Variants in GNAL observed in about 807,000 individuals in gnomAD.
GNAL encodes the protein guanine nucleotide-binding protein G(olf) subunit alpha.
In GNAL, 18 loss-of-function variants were observed where a neutral mutation model predicts 55.1. The ratio of observed to expected loss-of-function variants is 0.33; its 90% CI spans 0.23 to 0.48. The LOEUF (loss-of-function observed/expected upper bound fraction) is 0.48. Ranked by LOEUF, GNAL falls within the 20% of genes least tolerant of loss-of-function variation. The probability of loss-of-function intolerance (pLI) is 0.99; values close to 1 mark genes in which losing one functional copy is unlikely to be tolerated. For missense variants in GNAL, 412 were observed against 614.1 expected, an observed-to-expected ratio of 0.67 and a Z score of 3.48; for synonymous variants, 253 against 237.0, an observed-to-expected ratio of 1.07 and a Z score of -0.62.
At chr18:11,843,386 G>A (rs904798400) in intron 5 of GNAL, among the ~76,000 whole-genome samples, 2 of 152,086 alleles carry the variant, frequency 1.3e-5, no homozygotes, top group South Asian at 4.1e-4. Flanking sequence ...TTAGCGGAGA[G>A]TGGTGGTGCA....
chr18:11,822,112 T>G (rs1190011047), intron 4 of GNAL, among the ~76,000 whole-genome samples: 2 of 152,080 alleles, frequency 1.3e-5, no homozygotes, highest in African/African-American at 4.8e-5. Context: ...CGAGGGCGGC[T>G]CCGGAGAGGC....
chr18:11,785,705 A>G (rs1299556603), intron 4 of GNAL, among the ~76,000 whole-genome samples: 3 of 151,978 alleles, frequency 2.0e-5, no homozygotes, highest in Non-Finnish European at 2.9e-5. Flanking sequence ...AATTGGGTTC[A>G]GGCCGGTGTA....
At chr18:11,826,253 C>T (rs568842569) in intron 5 of GNAL, among the ~76,000 whole-genome samples, 72 of 133,556 alleles carry the variant, frequency 5.4e-4, no homozygotes, top group African/African-American at 1.9e-3. Context: ...GGAGGAGGAG[C>T]GGGGAGGGGG....
intron 1 of GNAL, among the ~76,000 whole-genome samples, chr18:11,730,337 T>G (rs2032309810): frequency 6.6e-6 from 1 of 151,888 alleles, no homozygotes; most frequent in Non-Finnish European, 1.5e-5. Context: ...TTTTGTAGTT[T>G]TAGTAGAGAT....
chr18:11,865,193 A>G (rs1011304751), intron 7 of GNAL, among the ~76,000 whole-genome samples: 28 of 147,572 alleles, frequency 1.9e-4, no homozygotes, highest in Admixed American at 1.8e-3. Context: ...GAATCTTCCT[A>G]CGGCACGGCC....
chr18:11,791,551 G>A (rs2034237282), intron 4 of GNAL, among the ~76,000 whole-genome samples: 1 of 152,116 alleles, frequency 6.6e-6, no homozygotes, highest in African/African-American at 2.4e-5. Flanking sequence ...TTAAAGTGGG[G>A]GAGGAACTAC....
intron 5 of GNAL, among the ~76,000 whole-genome samples, chr18:11,843,490 A>C (rs970426151): frequency 1.3e-5 from 2 of 151,930 alleles, no homozygotes; most frequent in Non-Finnish European, 2.9e-5. Context: ...GCACCACTGC[A>C]CTCCAGCCTG....
At chr18:11,745,071 T>G (rs2032660270) in intron 1 of GNAL, among the ~76,000 whole-genome samples, 1 of 152,220 alleles carries the variant, frequency 6.6e-6, no homozygotes, top group East Asian at 1.9e-4. Context: ...TTTAATAACC[T>G]TTAAAGTATA....
rs8192487 is a variant in GNAL, at chr18:11,859,353, G to A, written c.723-3042G>A. ...CAGAAACTTCTCCTACCTTCTCATGGATTCCAAGGTCTTTTTGCTCCTTTG... is the reference window on the plus strand; with the variant it reads ...CAGAAACTTCTCCTACCTTCTCATGAATTCCAAGGTCTTTTTGCTCCTTTG... On this transcript the variant is annotated intron_variant, in intron 5 of 11. Coordinates refer to ENST00000334049, the MANE Select transcript of GNAL (RefSeq NM_182978.4). Among the ~76,000 whole-genome samples, 666 of 152,294 alleles carry A rather than the reference G, an allele frequency of 4.4e-3. 2 individuals are homozygous for A. The highest frequency in any genetic ancestry group is 7.9e-3 in the Non-Finnish European group (536 of 68,022).
At chr18:11,719,229 T>A (rs534522440) in intron 1 of GNAL, among the ~76,000 whole-genome samples, 62 of 152,262 alleles carry the variant, frequency 4.1e-4, no homozygotes, top group African/African-American at 1.3e-3. Context: ...ATCCTCACAA[T>A]TTAAATGAAG....
chr18:11,771,521 C>T (rs955395816), intron 4 of GNAL, among the ~76,000 whole-genome samples: 5 of 152,062 alleles, frequency 3.3e-5, no homozygotes, highest in Admixed American at 3.3e-4. Context: ...ACAGGGCTCA[C>T]AGAGCTTAAA....
chr18:11,870,740 A>G (rs1316885273), intron 9 of GNAL, among the ~76,000 whole-genome samples: 1 of 152,166 alleles, frequency 6.6e-6, no homozygotes, highest in Non-Finnish European at 1.5e-5. Context: ...GTTAGAAATC[A>G]AAGTTTCTTC....
intron 4 of GNAL, among the ~76,000 whole-genome samples, chr18:11,770,684 G>A (rs2033605883): frequency 6.6e-6 from 1 of 151,980 alleles, no homozygotes; most frequent in African/African-American, 2.4e-5. Flanking sequence ...AAATTATTGG[G>A]AGGTTCCTAT....
intron 1 of GNAL, among the ~76,000 whole-genome samples, chr18:11,692,969 T>C (rs747188880): frequency 2.0e-5 from 3 of 152,054 alleles, no homozygotes; most frequent in Non-Finnish European, 4.4e-5. Context: ...AATTGGAAAT[T>C]ACTTCAGCCA....
intron 1 of GNAL, among the ~76,000 whole-genome samples, chr18:11,734,599 A>G (rs180760331): frequency 1.3e-5 from 2 of 151,542 alleles, no homozygotes; most frequent in Non-Finnish European, 2.9e-5. Flanking sequence ...TGCATTCTAG[A>G]TAGCATGGGA....
At chr18:11,793,911 GAA>G (rs76942749) in intron 4 of GNAL, among the ~76,000 whole-genome samples, 292 of 106,390 alleles carry the variant, frequency 2.7e-3, no homozygotes, top group African/African-American at 8.6e-3. Flanking sequence ...TCCATCTCGG[GAA>G]AAAAAAAAAA....
chr18:11,880,695 C>T (rs1419485615), intron 11 of GNAL, among the ~76,000 whole-genome samples: 1 of 152,214 alleles, frequency 6.6e-6, no homozygotes, highest in Non-Finnish European at 1.5e-5. Context: ...CCCATTGTCA[C>T]AGAAAACTCT....
chr18:11,693,682 G>A (rs968462995), intron 1 of GNAL, among the ~76,000 whole-genome samples: 1 of 150,788 alleles, frequency 6.6e-6, no homozygotes, highest in African/African-American at 2.4e-5. Context: ...TGCACCGAAA[G>A]CTGGGCATTG....
At chr18:11,702,203 A>G (rs2031588689) in intron 1 of GNAL, 1 of 152,292 alleles carries the variant, frequency 6.6e-6, no homozygotes, top group African/African-American at 2.4e-5. Flanking sequence ...TTTCTGGGAA[A>G]ATATCAGCCC....
Sources: allele counts gnomAD v4.1 joint callset (sites outside exome capture counted in the v4.1 genomes callset), GRCh38; gene constraint gnomAD v4.1.1; transcripts MANE v1.5; gene names NCBI Gene and HGNC (gene_info 2026-07-23, HGNC 2026-07-21).